Variants in PDGFA observed in about 807,000 individuals in gnomAD.
The protein encoded by PDGFA is platelet-derived growth factor subunit A.
PDGFA carries 9 observed loss-of-function variants against 25.6 expected under a neutral mutation model. The ratio of observed to expected loss-of-function variants is 0.35; its 90% CI spans 0.21 to 0.61. The LOEUF (loss-of-function observed/expected upper bound fraction) is 0.61, where lower values mean the gene tolerates loss of function less well. PDGFA is among the 20% of genes least tolerant of loss of function. The pLI, the probability that PDGFA is intolerant of heterozygous loss-of-function variation, is 0.75. For missense variants in PDGFA, 242 were observed against 272.8 expected (o/e 0.89, Z 0.79); for synonymous variants, 133 against 111.8 (o/e 1.19, Z -1.20).
rs1176667112 is a variant in PDGFA, at chr7:517,950, C to A, written c.64-460G>T. Reference sequence around the variant, plus strand: ...CAGGCAGGGCTTAAATTTCACGCCCCGGAATCCCGGGCCGAACCCGTGGAG... The same window carrying A: ...CAGGCAGGGCTTAAATTTCACGCCCAGGAATCCCGGGCCGAACCCGTGGAG... On this transcript the variant is annotated intron_variant, in intron 1 of 5. Coordinates refer to ENST00000402802, the Ensembl canonical transcript of PDGFA. This position sits in a 1 kb window ranked among gnomAD's most constrained non-coding sequence, Gnocchi z 7.4. Among the ~76,000 whole-genome samples, 1 of 152,148 alleles carries A rather than the reference C, an allele frequency of 6.6e-6. No homozygotes were observed. The highest frequency in any genetic ancestry group is 1.5e-5 in the Non-Finnish European group (1 of 68,028).
At position 506,557 on chromosome 7, in the gene PDGFA, C is replaced by T. The variant is rs149331219; in HGVS notation, c.453+4252G>A. On this transcript the variant is annotated intron_variant, in intron 4 of 5. Transcript: ENST00000402802. Reference sequence around the variant, plus strand: ...CAGGTGAGCACACACCTTCTGGAAGCCTCCAGCACAGCAAGGTGGGCTCAG... The same window carrying T: ...CAGGTGAGCACACACCTTCTGGAAGTCTCCAGCACAGCAAGGTGGGCTCAG... 4.9e-4 allele frequency among the ~76,000 whole-genome samples: 75 copies of T among 152,316 alleles called. 2 individuals carry two copies. The East Asian group carries it at 0.011, about 22-fold the overall frequency.
At chr7:503,563 G>A (rs1380842643) in intron 4 of PDGFA, among the ~76,000 whole-genome samples, 2 of 152,182 alleles carry the variant, frequency 1.3e-5, no homozygotes, top group African/African-American at 4.8e-5. Flanking sequence ...CTTCTTGGGG[G>A]GAAGGGGGGA....
chr7:506,254 G>A (rs1397869666), intron 4 of PDGFA, among the ~76,000 whole-genome samples: 1 of 151,236 alleles, frequency 6.6e-6, no homozygotes, highest in South Asian at 2.1e-4. Flanking sequence ...CACCAGCCTG[G>A]CCAACAAAGC....
intron 2 of PDGFA, among the ~76,000 whole-genome samples, chr7:513,645 C>T (rs774610763): frequency 5.9e-5 from 9 of 152,174 alleles, no homozygotes; most frequent in South Asian, 2.1e-4. Flanking sequence ...GGTCACCAAT[C>T]CAGACGGCTA....
At chr7:498,476 C>T in exon 6 of PDGFA, 3 of 1,294,996 alleles carry the variant, frequency 2.3e-6, no homozygotes, top group South Asian at 2.5e-5. Flanking sequence ...AAAGACCGCA[C>T]ACTGGCAATA....
At chr7:507,087 C>T (rs906508681) in intron 4 of PDGFA, among the ~76,000 whole-genome samples, 6 of 152,228 alleles carry the variant, frequency 3.9e-5, no homozygotes, top group African/African-American at 1.4e-4. Flanking sequence ...CCATCCGCAG[C>T]GGCAGGACCG....
chr7:503,219 T>C (rs1416952520), intron 4 of PDGFA, among the ~76,000 whole-genome samples: 3 of 152,136 alleles, frequency 2.0e-5, no homozygotes, highest in South Asian at 2.1e-4. Flanking sequence ...CACCAGGGAA[T>C]AGCCACCACC....
chr7:510,066 C>T (rs1368790650), intron 4 of PDGFA, among the ~76,000 whole-genome samples: 4 of 152,168 alleles, frequency 2.6e-5, no homozygotes, highest in East Asian at 3.9e-4. Flanking sequence ...CCATGCACCT[C>T]GGCCCCCACT....
At chr7:510,413 C>T (rs1315724872) in intron 4 of PDGFA, among the ~76,000 whole-genome samples, 1 of 150,776 alleles carries the variant, frequency 6.6e-6, no homozygotes, top group Non-Finnish European at 1.5e-5. Context: ...CTGCGTGGGG[C>T]AGGGCTCACC....
intron 2 of PDGFA, among the ~76,000 whole-genome samples, chr7:513,725 C>T (rs540888036): frequency 6.6e-6 from 1 of 152,308 alleles, no homozygotes; most frequent in Admixed American, 6.5e-5. Context: ...TCGAGGCATC[C>T]GTGACTATCC....
chr7:519,908 G>GC (rs1562495873), upstream of PDGFA: 4 of 49,548 alleles, frequency 8.1e-5, no homozygotes, highest in Admixed American at 3.0e-4. Flanking sequence ...CCCCGCCCCC[G>GC]CCCCCGCCCC....
Position 517,377 on chromosome 7 carries a change from GA to G in PDGFA, c.160+16del. ...CCCGCGCCCTCCCCGCGCGCGGAGGGAAGGGGCGCGATTTACCTACGGAGTC... is the reference window on the plus strand; with the variant it reads ...CCCGCGCCCTCCCCGCGCGCGGAGGGAGGGGCGCGATTTACCTACGGAGTC... On this transcript the variant is annotated intron_variant, in intron 2 of 5. Transcript: ENST00000402802. This position sits in a 1 kb window ranked among gnomAD's most constrained non-coding sequence, Gnocchi z 7.4. The G allele has an allele frequency of 7.7e-7, 1 of 1,299,750 alleles. No homozygotes were observed. Among genetic ancestry groups the G allele is most frequent in the Non-Finnish European group, 1.0e-6 (1 of 988,308 alleles). 80.5% of individuals were successfully genotyped at this position (1,299,750 alleles called of 1,614,324 possible). A position where few individuals can be genotyped will look rare whatever the true frequency, so the allele number is the denominator to read the frequency against.
At chr7:512,454 C>A (rs771744420) in exon 3 of PDGFA, 4 of 1,613,624 alleles carry the variant, frequency 2.5e-6, no homozygotes, top group South Asian at 2.2e-5. Flanking sequence ...AATCCTCACT[C>A]CCTGCAGGCG....
At position 501,164 on chromosome 7, in the gene PDGFA, C is replaced by CGCACTCCAAATGCTCCTCTAACCTCACCT; in HGVS notation, c.503_531dup (p.Ala178ArgfsTer2). 6.2e-7 allele frequency: 1 copy of CGCACTCCAAATGCTCCTCTAACCTCACCT among 1,614,216 alleles called. No individual in the cohort carries two copies. Among genetic ancestry groups the CGCACTCCAAATGCTCCTCTAACCTCACCT allele is most frequent in the Non-Finnish European group, 8.5e-7 (1 of 1,180,050 alleles). ...GGATTCAGGCTTGTGGTCGCGCAGG[C>CGCACTCCAAATGCTCCTCTAACCTCACCT]GCACTCCAAATGCTCCTCTAACCTC... On this transcript the variant is annotated stop_gained and frameshift_variant, in exon 5 of 6. Coordinates refer to ENST00000402802, the Ensembl canonical transcript of PDGFA. LOFTEE classifies it high-confidence loss of function.
intron 1 of PDGFA, among the ~76,000 whole-genome samples, chr7:518,154 A>G (rs1783193326): frequency 6.6e-6 from 1 of 152,164 alleles, no homozygotes. Flanking sequence ...AGCGAGGGTT[A>G]AACTTCCACC....
rs767700404 is a variant in PDGFA at position 511,006 on chromosome 7, CG to C, written c.266-11del. The C allele has an allele frequency of 6.2e-7, 1 of 1,609,488 alleles. No individual in the cohort carries two copies. The highest frequency in any genetic ancestry group is 1.7e-5 in the Admixed American group (1 of 59,880). ...GCGGGGACAGCTTCCTCTGCAACGG[CG>C]GGGGCACAGTGAGCGGGGACCGGCC... On this transcript the variant is annotated splice_polypyrimidine_tract_variant and intron_variant, in intron 3 of 5. Coordinates refer to ENST00000402802, the Ensembl canonical transcript of PDGFA.
intron 3 of PDGFA, among the ~76,000 whole-genome samples, chr7:511,438 C>T (rs1782848767): frequency 1.1e-5 from 1 of 88,330 alleles, no homozygotes; most frequent in Admixed American, 1.1e-4. Context: ...GAGGAGGGGG[C>T]CTTAACAGTG....
At chr7:497,976 A>C (rs567885700) in exon 6 of PDGFA, 1 of 136,836 alleles carries the variant, frequency 7.3e-6, no homozygotes, top group East Asian at 2.4e-4. Context: ...AAAAAAAACA[A>C]AACAAAAACA....
chr7:500,338 C>G lies in PDGFA; in HGVS notation c.580+778G>C. The G allele has an allele frequency of 7.1e-7, 1 of 1,408,092 alleles. No individual in the cohort carries two copies. Among genetic ancestry groups the G allele is most frequent in the Non-Finnish European group, 1.0e-6 (1 of 1,000,182 alleles). The allele number at this position is 1,408,092 out of a possible 1,614,324, so 87.2% of individuals were successfully genotyped here. A position where few individuals can be genotyped will look rare whatever the true frequency, so the allele number is the denominator to read the frequency against. On this transcript the variant is annotated intron_variant, in intron 5 of 5. Coordinates refer to ENST00000402802, the Ensembl canonical transcript of PDGFA. The surrounding 1 kb of genome is among the most constrained non-coding windows in gnomAD (Gnocchi z 5.0). ...CAATCAGGGCCACATCCCCGCCGCA[C>G]CCGGCGAGACAGGAAGCGTGATTTG...
Sources: gnomAD v4.1 joint callset for allele counts (sites outside exome capture counted in the v4.1 genomes callset) on GRCh38, gnomAD v4.1.1 for gene constraint, Gnocchi (gnomAD v3.1) non-coding constraint, MANE v1.5 for transcripts, NCBI Gene and HGNC (gene_info 2026-07-23, HGNC 2026-07-21) for gene names.